The following ARSG variants were observed in gnomAD, a reference collection of about 807,000 sequenced individuals.
ARSG encodes the protein ASG.
In ARSG, 37 loss-of-function variants were observed where a neutral mutation model predicts 50.5. The observed-to-expected ratio is 0.73, with a 90% CI of 0.56 to 0.96. The LOEUF (loss-of-function observed/expected upper bound fraction) is 0.96. Among genes scored for constraint, ARSG ranks in the 50% least tolerant of loss-of-function variants. ARSG has a pLI of 0.00. For missense variants in ARSG, 629 were observed against 675.3 expected (o/e 0.93, Z 0.76); for synonymous variants, 225 against 254.6 (o/e 0.88, Z 1.11).
chr17:68,352,415 T>C (rs2078841158), intron 5 of ARSG, among the ~76,000 whole-genome samples: 1 of 151,708 alleles, frequency 6.6e-6, no homozygotes, highest in South Asian at 2.1e-4. Flanking sequence ...CCTATCTTTG[T>C]AGTCCTATCA....
At chr17:68,373,380 C>A (rs1336664479) in intron 8 of ARSG, among the ~76,000 whole-genome samples, 1 of 151,368 alleles carries the variant, frequency 6.6e-6, no homozygotes, top group African/African-American at 2.4e-5. Flanking sequence ...CAGGCACCCA[C>A]CACCACACCT....
In ARSG at chr17:68,351,704, A is replaced by G; in HGVS notation, c.566+18A>G. On this transcript the variant is annotated intron_variant, in intron 5 of 11. Transcript: ENST00000621439. ...CCATCAAGGTAATGCTGTCTGACACATTTGCGATAGGCTCCAGGACAAGGC... is the reference window on the plus strand; with the variant it reads ...CCATCAAGGTAATGCTGTCTGACACGTTTGCGATAGGCTCCAGGACAAGGC... The G allele has an allele frequency of 6.5e-7, 1 of 1,532,118 alleles. No homozygotes were observed. The highest frequency in any genetic ancestry group is 9.0e-7 in the Non-Finnish European group (1 of 1,105,438). The allele number at this position is 1,532,118 out of a possible 1,614,324, so 94.9% of individuals were successfully genotyped here.
chr17:68,293,517 T>C (rs1198632687), intron 1 of ARSG, among the ~76,000 whole-genome samples: 2 of 151,294 alleles, frequency 1.3e-5, no homozygotes, highest in African/African-American at 2.4e-5. Context: ...ATAATAATAA[T>C]AGATTTTTGT....
intron 8 of ARSG, among the ~76,000 whole-genome samples, chr17:68,379,563 C>T (rs2080329078): frequency 6.6e-6 from 1 of 151,050 alleles, no homozygotes; most frequent in Non-Finnish European, 1.5e-5. Context: ...CAAGTGCGAG[C>T]CACTGCACTG....
intron 1 of ARSG, among the ~76,000 whole-genome samples, chr17:68,276,254 C>T (rs1351335502): frequency 3.3e-5 from 5 of 151,660 alleles, no homozygotes; most frequent in African/African-American, 9.7e-5. Context: ...CCACCACACC[C>T]GGCTAACGAG....
At chr17:68,413,822 CGTT>C in intron 11 of ARSG, 1 of 153,876 alleles carries the variant, frequency 6.5e-6, no homozygotes, top group South Asian at 2.0e-4. Flanking sequence ...CCTGGTGCGC[CGTT>C]TTTTAAGCCT....
rs1052215306 is a variant in ARSG at position 68,368,749 on chromosome 17, A to G, written c.901+5A>G. The G allele has an allele frequency of 1.9e-6, 3 of 1,611,008 alleles. No homozygotes were observed. The South Asian group carries it at 3.3e-5, about 18-fold the overall frequency. On this transcript the variant is annotated splice_donor_5th_base_variant and intron_variant, in intron 7 of 11. Transcript: ENST00000621439. ...ACACATTCCTCTGGTTTACAGGTAA[A>G]GTAGTAAAAGCCAGCCAGCCTAACT...
At chr17:68,433,480 T>C in the ARSG span, 1 of 1,614,010 alleles carries the variant, frequency 6.2e-7, no homozygotes, top group Non-Finnish European at 8.5e-7. Context: ...GTTGGTGACC[T>C]GTTCCAGCTT....
intron 5 of ARSG, among the ~76,000 whole-genome samples, chr17:68,354,936 T>A (rs565971335): frequency 7.1e-4 from 108 of 152,186 alleles, no homozygotes; most frequent in Non-Finnish European, 1.3e-3. Context: ...CTCCTATATT[T>A]CTGTAATGGG....
At chr17:68,311,800 C>CTTTTT (rs36097952) in intron 2 of ARSG, among the ~76,000 whole-genome samples, 3 of 116,386 alleles carry the variant, frequency 2.6e-5, no homozygotes, top group Non-Finnish European at 3.4e-5. Flanking sequence ...CTGTACTGTA[C>CTTTTT]TTTTTTTTTT....
At chr17:68,308,896 C>T (rs1232586236) in intron 2 of ARSG, among the ~76,000 whole-genome samples, 2 of 152,406 alleles carry the variant, frequency 1.3e-5, no homozygotes, top group East Asian at 1.9e-4. Flanking sequence ...GCCTGCCAGT[C>T]CCGCGCCCTG....
intron 1 of ARSG, among the ~76,000 whole-genome samples, chr17:68,275,413 T>C (rs1048132055): frequency 1.2e-4 from 19 of 152,200 alleles, no homozygotes; most frequent in Admixed American, 3.9e-4. Context: ...TAATCTTGGA[T>C]GTAGCTCATA....
chr17:68,411,014 T>C (rs1260492191), intron 11 of ARSG, among the ~76,000 whole-genome samples: 1 of 146,756 alleles, frequency 6.8e-6, no homozygotes, highest in Non-Finnish European at 1.5e-5. Flanking sequence ...TCTTCTCTCT[T>C]TTTTTCTTTA....
At chr17:68,407,997 T>C (rs943360618) in intron 11 of ARSG, among the ~76,000 whole-genome samples, 5 of 151,512 alleles carry the variant, frequency 3.3e-5, no homozygotes, top group African/African-American at 1.2e-4. Flanking sequence ...CAGTATTATG[T>C]TGGCTGTGGG....
chr17:68,317,793 A>G (rs1241528674), intron 2 of ARSG, among the ~76,000 whole-genome samples: 2 of 152,220 alleles, frequency 1.3e-5, no homozygotes, highest in Non-Finnish European at 2.9e-5. Context: ...GTAATCAACT[A>G]AAACTTAAAA....
chr17:68,368,700 A>G lies in ARSG; in HGVS notation c.857A>G (p.Lys286Arg), dbSNP rs780050346. The change falls in exon 7 of 12, where the codon AAA (lysine) becomes AGA (arginine). Residue 286 changes from lysine (K) to arginine (R), a missense_variant. By Grantham distance (26) the Lys-to-Arg change is conservative. Transcript: ENST00000621439. Reference sequence around the variant, plus strand: ...AGTCTGGTGGGCCAGATCAAGGACAAAGTTGACCACACAGTGAAGGAAAAC... The same window carrying G: ...AGTCTGGTGGGCCAGATCAAGGACAGAGTTGACCACACAGTGAAGGAAAAC... ...MDSLVGQIKD[K>R]VDHTVKENTF... 5 of 1,613,900 alleles carry G rather than the reference A, an allele frequency of 3.1e-6. No homozygotes were observed. The African/African-American group carries it at 4.0e-5, about 13-fold the overall frequency.
chr17:68,310,839 T>C (rs1555766471), intron 2 of ARSG, among the ~76,000 whole-genome samples: 1 of 152,228 alleles, frequency 6.6e-6, no homozygotes, highest in Non-Finnish European at 1.5e-5. Flanking sequence ...AACACTCTTC[T>C]GCTTCCAGTC....
At chr17:68,427,971 T>A in the ARSG span, among the ~76,000 whole-genome samples, 4 of 151,376 alleles carry the variant, frequency 2.6e-5, no homozygotes, top group African/African-American at 4.9e-5. Context: ...CTTACTGCAG[T>A]CTTGACCTTC....
At chr17:68,405,632 T>C (rs2081675872) in intron 11 of ARSG, among the ~76,000 whole-genome samples, 1 of 152,218 alleles carries the variant, frequency 6.6e-6, no homozygotes, top group Non-Finnish European at 1.5e-5. Flanking sequence ...GAGGTCATTT[T>C]ACTTCCTCCA....
Sources: allele counts gnomAD v4.1 joint callset (sites outside exome capture counted in the v4.1 genomes callset), GRCh38; gene constraint gnomAD v4.1.1; transcripts MANE v1.5; gene names NCBI Gene and HGNC (gene_info 2026-07-23, HGNC 2026-07-21).